EXOC6B: variants seen among roughly 807,000 people sequenced by gnomAD.
EXOC6B encodes the protein SEC15 homolog B.
Under a neutral mutation model 113.5 loss-of-function variants are expected in EXOC6B, and 54 were observed. That is an observed-to-expected ratio of 0.48 (90% CI 0.38 to 0.60). The LOEUF (loss-of-function observed/expected upper bound fraction) is 0.60, where lower values mean the gene tolerates loss of function less well. Ranked by LOEUF, EXOC6B falls within the 20% of genes least tolerant of loss-of-function variation. The pLI is 0.00. For synonymous variants in EXOC6B, 357 were observed against 339.0 expected, an observed-to-expected ratio of 1.05 and a Z score of -0.58; for missense variants, 797 against 977.5, an observed-to-expected ratio of 0.82 and a Z score of 2.46.
chr2:72,656,939 C>A (rs528970274), intron 6 of EXOC6B, among the ~76,000 whole-genome samples: 1 of 152,086 alleles, frequency 6.6e-6, no homozygotes, highest in East Asian at 1.9e-4. Flanking sequence ...GCAACCTCCA[C>A]CCCCTAGGTT....
chr2:72,787,874 G>T (rs1157105798), intron 1 of EXOC6B, among the ~76,000 whole-genome samples: 3 of 151,984 alleles, frequency 2.0e-5, no homozygotes, highest in Non-Finnish European at 2.9e-5. Flanking sequence ...ACTTCTAAGA[G>T]ATGACACTAC....
rs151109834 is a variant in EXOC6B, at chr2:72,376,469, G to A, written c.2122+3260C>T. Among the ~76,000 whole-genome samples, 643 of 151,928 alleles carry A rather than the reference G, an allele frequency of 4.2e-3. 5 individuals carry two copies. The highest frequency in any genetic ancestry group is 0.014 in the African/African-American group (581 of 41,444). ...TCTTCATTATGTACTATACCTTTTC[G>A]TCTTTGGCTGCTTTAAAATTTTTCT... On this transcript the variant is annotated intron_variant, in intron 19 of 21. Coordinates refer to ENST00000272427, the MANE Select transcript of EXOC6B (RefSeq NM_015189.3).
intron 6 of EXOC6B, among the ~76,000 whole-genome samples, chr2:72,698,348 T>C (rs1678040260): frequency 2.0e-5 from 3 of 152,314 alleles, no homozygotes; most frequent in South Asian, 2.1e-4. Context: ...AGCCCTCAGT[T>C]TCTCTATGAC....
At chr2:72,666,824 A>AC (rs376270262) in intron 6 of EXOC6B, among the ~76,000 whole-genome samples, 37,194 of 135,052 alleles carry the variant, frequency 0.28, 6,188 homozygotes, top group East Asian at 0.47. Flanking sequence ...CACACACACA[A>AC]AGAAATGCCT....
intron 16 of EXOC6B, among the ~76,000 whole-genome samples, chr2:72,484,434 G>A (rs1452861150): frequency 1.3e-5 from 2 of 151,732 alleles, no homozygotes; most frequent in East Asian, 3.9e-4. Context: ...GGGCATGGTG[G>A]AGGGCGCCTG....
chr2:72,708,745 T>C (rs1231631457), intron 6 of EXOC6B, among the ~76,000 whole-genome samples: 3 of 152,090 alleles, frequency 2.0e-5, no homozygotes, highest in African/African-American at 7.2e-5. Flanking sequence ...TAAAAAATTT[T>C]CACAGACAGA....
At chr2:72,639,492 G>A (rs1029107413) in intron 6 of EXOC6B, among the ~76,000 whole-genome samples, 2 of 152,320 alleles carry the variant, frequency 1.3e-5, no homozygotes, top group Admixed American at 6.5e-5. Flanking sequence ...CAGACACCCT[G>A]GCACCCACTA....
chr2:72,731,280 T>C (rs1466889803), intron 3 of EXOC6B, 35 bp from the exon 4 acceptor site: 4 of 1,493,744 alleles, frequency 2.7e-6, no homozygotes, highest in South Asian at 2.3e-5. Context: ...ATTATGCCTA[T>C]GGCTGTAAAT....
chr2:72,514,999 G>A (rs758207567), intron 9 of EXOC6B, 44 bp downstream of exon 9: 249 of 1,509,372 alleles, frequency 1.6e-4, no homozygotes, highest in Non-Finnish European at 2.2e-4. Flanking sequence ...AGACATCAAG[G>A]AGGAAAAGTA....
intron 20 of EXOC6B, among the ~76,000 whole-genome samples, chr2:72,306,223 T>G (rs1169115324): frequency 6.6e-6 from 1 of 152,118 alleles, no homozygotes; most frequent in African/African-American, 2.4e-5. Flanking sequence ...AAAATGAAAA[T>G]GTATACCGTT....
chr2:72,623,990 T>C (rs1022026626), intron 6 of EXOC6B, among the ~76,000 whole-genome samples: 2 of 152,234 alleles, frequency 1.3e-5, no homozygotes, highest in African/African-American at 4.8e-5. Flanking sequence ...CCTCTGGTTA[T>C]ACTTCTATAG....
chr2:72,454,909 T>C (rs1045476256), intron 18 of EXOC6B, among the ~76,000 whole-genome samples: 1 of 152,198 alleles, frequency 6.6e-6, no homozygotes, highest in African/African-American at 2.4e-5. Flanking sequence ...AATACCACAT[T>C]GATAAGAAGC....
chr2:72,768,293 T>C (rs1264952979), intron 1 of EXOC6B, among the ~76,000 whole-genome samples: 1 of 146,852 alleles, frequency 6.8e-6, no homozygotes, highest in Non-Finnish European at 1.5e-5. Context: ...GCAAGCTTTT[T>C]TTTTTTTTTT....
intron 18 of EXOC6B, among the ~76,000 whole-genome samples, chr2:72,444,380 G>A (rs1041735145): frequency 6.6e-6 from 1 of 152,194 alleles, no homozygotes; most frequent in African/African-American, 2.4e-5. Context: ...CAGCTGCACA[G>A]TGCAAGCTAT....
At chr2:72,421,850 G>A (rs1431568279) in intron 18 of EXOC6B, among the ~76,000 whole-genome samples, 1 of 152,214 alleles carries the variant, frequency 6.6e-6, no homozygotes, top group Non-Finnish European at 1.5e-5. Context: ...GCGGGAACCG[G>A]GGCTGCGTGC....
chr2:72,675,716 C>T (rs1277651450), intron 6 of EXOC6B, among the ~76,000 whole-genome samples: 3 of 151,992 alleles, frequency 2.0e-5, no homozygotes, highest in Non-Finnish European at 4.4e-5. Flanking sequence ...ACCACTTGAG[C>T]CTGGGAGGTT....
intron 6 of EXOC6B, among the ~76,000 whole-genome samples, chr2:72,679,641 G>A (rs886475277): frequency 6.6e-6 from 1 of 152,134 alleles, no homozygotes; most frequent in Non-Finnish European, 1.5e-5. Flanking sequence ...TGAATTGGGA[G>A]GAGGTAACAG....
intron 2 of EXOC6B, among the ~76,000 whole-genome samples, chr2:72,737,432 T>A (rs905686804): frequency 1.3e-5 from 2 of 152,230 alleles, no homozygotes; most frequent in Non-Finnish European, 2.9e-5. Flanking sequence ...ATGTTTTGTA[T>A]CACCTACTTA....
chr2:72,219,884 G>T (rs544662512), intron 20 of EXOC6B, among the ~76,000 whole-genome samples: 1 of 152,162 alleles, frequency 6.6e-6, no homozygotes, highest in Admixed American at 6.5e-5. Flanking sequence ...CTAAGGCTCA[G>T]ATTGGTTAAG....
Sources: allele counts gnomAD v4.1 joint callset (sites outside exome capture counted in the v4.1 genomes callset), GRCh38; gene constraint gnomAD v4.1.1; transcripts MANE v1.5; gene names NCBI Gene and HGNC (gene_info 2026-07-23, HGNC 2026-07-21).